ADAM18: variants seen among roughly 807,000 people sequenced by gnomAD.
The protein encoded by ADAM18 is ADAM metallopeptidase domain 18.
ADAM18 carries 117 observed loss-of-function variants against 94.4 expected under a neutral mutation model. The ratio of observed to expected loss-of-function variants is 1.24; its 90% CI spans 1.07 to 1.45. The LOEUF (loss-of-function observed/expected upper bound fraction) is 1.45, where lower values mean the gene tolerates loss of function less well. Among genes scored for constraint, ADAM18 ranks in the 40% most tolerant of loss-of-function variants. The pLI is 0.00. For synonymous variants in ADAM18, 327 were observed against 291.6 expected (o/e 1.12, Z -1.24); for missense variants, 936 against 880.0 (o/e 1.06, Z -0.81).
chr8:39,706,655 C>T (rs370739666), intron 17 of ADAM18, 135 bp from the exon 18 acceptor site: 7 of 482,388 alleles, frequency 1.5e-5, no homozygotes, highest in African/African-American at 1.2e-4. Flanking sequence ...CTATTTCTCA[C>T]ATTATATAGT....
chr8:39,721,510 T>C (rs1437885892), intron 18 of ADAM18, among the ~76,000 whole-genome samples: 2 of 151,434 alleles, frequency 1.3e-5, no homozygotes, highest in Non-Finnish European at 3.0e-5. Context: ...TTGCAAACTA[T>C]ATATCAACAA....
chr8:39,632,613 A>T (rs1214922631), intron 7 of ADAM18, among the ~76,000 whole-genome samples: 1 of 152,046 alleles, frequency 6.6e-6, no homozygotes, highest in African/African-American at 2.4e-5. Context: ...GGTATGCTAT[A>T]TTCCTTTCTT....
intron 14 of ADAM18, among the ~76,000 whole-genome samples, chr8:39,672,880 A>T (rs181454251): frequency 3.3e-5 from 5 of 152,330 alleles, no homozygotes; most frequent in Non-Finnish European, 1.5e-5. Context: ...GAGGACTTAG[A>T]GACACCAGGA....
At chr8:39,623,599 T>TTTTTGA (rs1232458589) in intron 6 of ADAM18, among the ~76,000 whole-genome samples, 1 of 152,060 alleles carries the variant, frequency 6.6e-6, no homozygotes, top group African/African-American at 2.4e-5. Context: ...TTTGTTTTTG[T>TTTTTGA]TTTTGTTTTT....
At chr8:39,671,961 G>T (rs942127321) in intron 14 of ADAM18, among the ~76,000 whole-genome samples, 4 of 152,034 alleles carry the variant, frequency 2.6e-5, no homozygotes, top group African/African-American at 9.7e-5. Context: ...GGGATGGGGG[G>T]TATTTATTGT....
At chr8:39,608,991 A>C in intron 3 of ADAM18, 51 bp from the exon 4 acceptor site, 1 of 1,049,640 alleles carries the variant, frequency 9.5e-7, no homozygotes, top group Non-Finnish European at 1.4e-6. Flanking sequence ...TGTTTTTAAC[A>C]TTATATTAAG....
chr8:39,657,300 G>T (rs1820714799), intron 12 of ADAM18, among the ~76,000 whole-genome samples: 1 of 151,946 alleles, frequency 6.6e-6, no homozygotes, highest in African/African-American at 2.4e-5. Flanking sequence ...CACTAAAAAG[G>T]TCTTTGTTTG....
chr8:39,711,653 A>T (rs957769610), intron 18 of ADAM18, among the ~76,000 whole-genome samples: 1 of 152,150 alleles, frequency 6.6e-6, no homozygotes, highest in Non-Finnish European at 1.5e-5. Context: ...GAATTTGGGC[A>T]GAGAGAAAAA....
chr8:39,657,162 G>A (rs1385911167), intron 12 of ADAM18, among the ~76,000 whole-genome samples: 1 of 152,038 alleles, frequency 6.6e-6, no homozygotes, highest in Non-Finnish European at 1.5e-5. Flanking sequence ...AAAACAAAGT[G>A]GTTGAATTCA....
intron 7 of ADAM18, among the ~76,000 whole-genome samples, chr8:39,631,257 A>T (rs1819924584): frequency 6.6e-6 from 1 of 151,922 alleles, no homozygotes; most frequent in African/African-American, 2.4e-5. Context: ...TTTTGTTTTT[A>T]AGAAATATTT....
At chr8:39,644,825 G>A (rs896650148) in intron 10 of ADAM18, among the ~76,000 whole-genome samples, 13 of 151,954 alleles carry the variant, frequency 8.6e-5, no homozygotes, top group Admixed American at 8.5e-4. Flanking sequence ...ATTTTCTATT[G>A]GAGTACTTTA....
In ADAM18 at chr8:39,671,542, A is replaced by C. The variant is rs146297172; in HGVS notation, c.1525+3346A>C. Among the ~76,000 whole-genome samples, 408 of 152,324 alleles carry C rather than the reference A, an allele frequency of 2.7e-3. 5 individuals are homozygous for C. The highest frequency in any genetic ancestry group is 9.4e-3 in the African/African-American group (392 of 41,584). The stretch of plus-strand genomic sequence containing the variant: ...AACTCTATATAAGTTTGAATTCCTT[A>C]TCAGGTATATTTTTCAGGTTTGGGG... On this transcript the variant is annotated intron_variant, in intron 14 of 19. Transcript: ENST00000265707.
At chr8:39,718,272 A>G (rs545816581) in intron 18 of ADAM18, among the ~76,000 whole-genome samples, 23 of 151,694 alleles carry the variant, frequency 1.5e-4, no homozygotes, top group Non-Finnish European at 2.7e-4. Context: ...TGTATCCATC[A>G]TAGCACTATT....
chr8:39,612,968 TCACCCCTG>T (rs898992222), intron 6 of ADAM18, among the ~76,000 whole-genome samples: 27 of 152,210 alleles, frequency 1.8e-4, no homozygotes, highest in African/African-American at 6.3e-4. Flanking sequence ...TGTTGCAGCC[TCACCCCTG>T]CCAGTACATG....
At chr8:39,652,996 A>C (rs1225407133) in intron 12 of ADAM18, among the ~76,000 whole-genome samples, 1 of 152,156 alleles carries the variant, frequency 6.6e-6, no homozygotes, top group African/African-American at 2.4e-5. Flanking sequence ...ACCAGCAAGG[A>C]GTAAAATGGT....
At chr8:39,603,314 T>C (rs1165679741) in intron 2 of ADAM18, among the ~76,000 whole-genome samples, 1 of 152,164 alleles carries the variant, frequency 6.6e-6, no homozygotes, top group Non-Finnish European at 1.5e-5. Flanking sequence ...CCAAACTTGG[T>C]TCTTTCTTCT....
intron 6 of ADAM18, among the ~76,000 whole-genome samples, chr8:39,622,655 A>G (rs887851419): frequency 3.3e-5 from 5 of 152,088 alleles, no homozygotes; most frequent in Non-Finnish European, 7.4e-5. Context: ...TCAAAATAAT[A>G]CAATCAAACT....
intron 2 of ADAM18, among the ~76,000 whole-genome samples, chr8:39,605,334 C>T (rs969764179): frequency 2.0e-5 from 3 of 152,154 alleles, no homozygotes; most frequent in Admixed American, 2.0e-4. Flanking sequence ...TTTCTGGATG[C>T]CATCACAATA....
At chr8:39,585,014 C>G (rs1818356868) in intron 1 of ADAM18, among the ~76,000 whole-genome samples, 1 of 152,160 alleles carries the variant, frequency 6.6e-6, no homozygotes, top group Non-Finnish European at 1.5e-5. Context: ...AAGCAAGTCT[C>G]TCATCGATTC....
Sources: gnomAD v4.1 joint callset for allele counts (sites outside exome capture counted in the v4.1 genomes callset) on GRCh38, gnomAD v4.1.1 for gene constraint, MANE v1.5 for transcripts, NCBI Gene and HGNC (gene_info 2026-07-23, HGNC 2026-07-21) for gene names.